Variants in BMERB1 observed in about 807,000 individuals in gnomAD.
BMERB1 encodes the protein bMERB domain containing 1, also known as bMERB domain-containing protein 1.
BMERB1 carries 12 observed loss-of-function variants against 23.6 expected under a neutral mutation model. The observed-to-expected ratio is 0.51, with a 90% CI of 0.33 to 0.82. The LOEUF (loss-of-function observed/expected upper bound fraction) is 0.82, where lower values mean the gene tolerates loss of function less well. Ranked by LOEUF, BMERB1 falls within the 40% of genes least tolerant of loss-of-function variation. The probability of loss-of-function intolerance (pLI) is 0.03; values close to 1 mark genes in which losing one functional copy is unlikely to be tolerated. For missense variants in BMERB1, 247 were observed against 255.4 expected (o/e 0.97, Z 0.22); for synonymous variants, 122 against 96.6 (o/e 1.26, Z -1.54).
intron 1 of BMERB1, among the ~76,000 whole-genome samples, chr16:15,451,247 A>G (rs1009016575): frequency 2.0e-5 from 3 of 152,122 alleles, no homozygotes; most frequent in Admixed American, 1.3e-4. Context: ...GCTGGAGTAC[A>G]GTGGTGTGAT....
intron 3 of BMERB1, among the ~76,000 whole-genome samples, chr16:15,572,956 C>T (rs546607502): frequency 3.1e-4 from 47 of 152,274 alleles, no homozygotes; most frequent in Non-Finnish European, 5.1e-4. Context: ...CCAAGTAAGA[C>T]GTGCCTTTTG....
chr16:15,584,228 T>G (rs1596405737), intron 5 of BMERB1: 1 of 576,838 alleles, frequency 1.7e-6, no homozygotes, highest in East Asian at 2.9e-5. Context: ...TCAAATGTGT[T>G]TAACTGCTGT....
At chr16:15,446,074 C>A (rs767743833) in intron 1 of BMERB1, among the ~76,000 whole-genome samples, 1 of 152,000 alleles carries the variant, frequency 6.6e-6, no homozygotes, top group African/African-American at 2.4e-5. Context: ...AGAAAGTAAG[C>A]GAGACTCTAA....
At chr16:15,502,562 A>G (rs2150943808) in intron 1 of BMERB1, among the ~76,000 whole-genome samples, 1 of 152,302 alleles carries the variant, frequency 6.6e-6, no homozygotes, top group South Asian at 2.1e-4. Context: ...CACTTGGTGC[A>G]TCCCGTAATA....
chr16:15,559,926 G>C (rs937077619), intron 2 of BMERB1, among the ~76,000 whole-genome samples: 6 of 151,844 alleles, frequency 4.0e-5, no homozygotes, highest in African/African-American at 1.5e-4. Flanking sequence ...AATAGCTGAT[G>C]AGCTTAAAAA....
intron 2 of BMERB1, chr16:15,533,036 T>G (rs1403278921): frequency 2.2e-6 from 1 of 455,720 alleles, no homozygotes; most frequent in Non-Finnish European, 4.4e-6. Flanking sequence ...CTCGGTGGCC[T>G]CATCTGTTAA....
At chr16:15,484,870 C>T (rs2051354560) in intron 1 of BMERB1, among the ~76,000 whole-genome samples, 1 of 152,188 alleles carries the variant, frequency 6.6e-6, no homozygotes. Context: ...CCCATTGACC[C>T]CTTATCCACA....
Position 15,515,381 on chromosome 16 carries a change from G to A in BMERB1, c.183G>A (p.Gln61=), listed in dbSNP as rs932421287. The A allele has an allele frequency of 1.2e-6, 2 of 1,613,924 alleles. No individual in the cohort carries two copies. Among genetic ancestry groups the A allele is most frequent in the Admixed American group, 3.3e-5 (2 of 59,994 alleles). The change falls in exon 2 of 6, where the codon CAG becomes CAA. Residue 61 remains glutamine (Q), a synonymous_variant. Coordinates refer to ENST00000300006, the MANE Select transcript of BMERB1 (RefSeq NM_033201.3). ...EEIELEMAKI[Q]RLREVLVRRE... ...TTGAGCTGGAGATGGCAAAAATTCA[G>A]CGTCTCCGGGAAGTCTTGGTCCGCC...
intron 1 of BMERB1, among the ~76,000 whole-genome samples, chr16:15,477,023 G>C (rs1035898077): frequency 2.6e-5 from 4 of 152,206 alleles, no homozygotes; most frequent in African/African-American, 9.6e-5. Flanking sequence ...CATTTTGAGA[G>C]TCCAACGTGG....
At chr16:15,573,001 G>A (rs774399993) in intron 3 of BMERB1, among the ~76,000 whole-genome samples, 10 of 152,166 alleles carry the variant, frequency 6.6e-5, no homozygotes, top group African/African-American at 1.4e-4. Flanking sequence ...CCCCAGCCAC[G>A]TGGAACTGTG....
intron 1 of BMERB1, among the ~76,000 whole-genome samples, chr16:15,511,179 A>G (rs1374294502): frequency 6.6e-6 from 1 of 152,110 alleles, no homozygotes; most frequent in Non-Finnish European, 1.5e-5. Flanking sequence ...TAGGCAGCAC[A>G]TCACATGAGA....
intron 1 of BMERB1, among the ~76,000 whole-genome samples, chr16:15,484,725 A>G (rs2051353591): frequency 6.6e-6 from 1 of 152,206 alleles, no homozygotes. Flanking sequence ...TTAAAAAAAG[A>G]AGGCGAAATT....
At chr16:15,491,938 T>C (rs939924749) in intron 1 of BMERB1, among the ~76,000 whole-genome samples, 1 of 152,218 alleles carries the variant, frequency 6.6e-6, no homozygotes, top group African/African-American at 2.4e-5. Context: ...GCTTGCTGTC[T>C]GTCTTCATCA....
Position 15,472,860 on chromosome 16 carries a change from C to CTT in BMERB1, c.106+38117_106+38118dup, listed in dbSNP as rs34677062. Among the ~76,000 whole-genome samples the CTT allele has an allele frequency of 2.8e-3, 376 of 133,826 alleles. 5 individuals carry two copies. The highest frequency in any genetic ancestry group is 6.5e-3 in the East Asian group (30 of 4,602). 87.8% of individuals were successfully genotyped at this position (133,826 alleles called of 152,430 possible). On this transcript the variant is annotated intron_variant, in intron 1 of 5. Transcript: ENST00000300006. The stretch of plus-strand genomic sequence containing the variant: ...ACTTGACATATTTTAAGGATTCCAT[C>CTT]TTTTTTTTTTTTTTTTTGACATGGT...
chr16:15,461,811 G>A (rs2051138053), intron 1 of BMERB1, among the ~76,000 whole-genome samples: 2 of 152,050 alleles, frequency 1.3e-5, no homozygotes, highest in Non-Finnish European at 1.5e-5. Context: ...GTGTGCACCT[G>A]TAGTACCAGC....
At chr16:15,581,115 C>G in intron 3 of BMERB1, 102 bp from the exon 4 acceptor site, 1 of 755,852 alleles carries the variant, frequency 1.3e-6, no homozygotes. Flanking sequence ...GGTTGTTTCA[C>G]CATGTTGACC....
chr16:15,506,188 A>T (rs9925593), intron 1 of BMERB1, among the ~76,000 whole-genome samples: 135,422 of 150,936 alleles, frequency 0.9, 62,562 homozygotes, highest in East Asian at 1. Flanking sequence ...TTTTTCTTTT[A>T]TTTTTGAGAC....
intron 1 of BMERB1, among the ~76,000 whole-genome samples, chr16:15,500,901 C>T (rs2051522675): frequency 6.6e-6 from 1 of 152,168 alleles, no homozygotes; most frequent in South Asian, 2.1e-4. Context: ...ATCCACCTGC[C>T]TCGGCCTCCC....
At chr16:15,557,959 G>T (rs796951846) in intron 2 of BMERB1, among the ~76,000 whole-genome samples, 11 of 152,184 alleles carry the variant, frequency 7.2e-5, no homozygotes, top group African/African-American at 2.4e-4. Context: ...GCAGAGAATG[G>T]CTTCAACCTG....
Sources: allele counts gnomAD v4.1 joint callset (sites outside exome capture counted in the v4.1 genomes callset), GRCh38; gene constraint gnomAD v4.1.1; transcripts MANE v1.5; gene names NCBI Gene and HGNC (gene_info 2026-07-23, HGNC 2026-07-21).